CRACR2A: variants seen among roughly 807,000 people sequenced by gnomAD.
CRACR2A encodes the protein EF-hand calcium-binding domain-containing protein 4B.
In CRACR2A, 79 loss-of-function variants were observed where a neutral mutation model predicts 90.5. The ratio of observed to expected loss-of-function variants is 0.87; its 90% CI spans 0.73 to 1.05. CRACR2A has a LOEUF of 1.05. CRACR2A is among the 50% of genes least tolerant of loss of function. The probability of loss-of-function intolerance (pLI) is 0.00; values close to 1 mark genes in which losing one functional copy is unlikely to be tolerated. For synonymous variants in CRACR2A, 338 were observed against 356.7 expected (o/e 0.95, Z 0.59); for missense variants, 823 against 897.2 (o/e 0.92, Z 1.06).
intron 6 of CRACR2A, among the ~76,000 whole-genome samples, chr12:3,676,043 A>T (rs1945330129): frequency 6.6e-6 from 1 of 151,982 alleles, no homozygotes; most frequent in African/African-American, 2.4e-5. Context: ...TCCTTGCTCC[A>T]TCACTTCCAC....
intron 3 of CRACR2A, among the ~76,000 whole-genome samples, chr12:3,697,973 A>T (rs1945771954): frequency 6.6e-6 from 1 of 152,200 alleles, no homozygotes; most frequent in Non-Finnish European, 1.5e-5. Context: ...TGCTGCTTAT[A>T]TGACCTTGAA....
intron 3 of CRACR2A, among the ~76,000 whole-genome samples, chr12:3,710,693 T>TGAGGCAGGAGAATCGCTTGAACCCAG (rs1485221359): frequency 7.3e-5 from 11 of 151,500 alleles, no homozygotes; most frequent in Admixed American, 6.6e-5. Flanking sequence ...CTCGGGAGGC[T>TGAGGCAGGAGAATCGCTTGAACCCAG]GAGGCAGGAG....
intron 1 of CRACR2A, chr12:3,752,686 C>G (rs1450466575): frequency 6.5e-6 from 1 of 153,164 alleles, no homozygotes; most frequent in Non-Finnish European, 1.5e-5. Flanking sequence ...CTTTACCATT[C>G]TGAGCCTCAG....
At position 3,633,929 on chromosome 12, in the gene CRACR2A, T is replaced by C. The variant is rs937441508; in HGVS notation, c.1603-193A>G. Among the ~76,000 whole-genome samples the C allele has an allele frequency of 9.8e-5, 15 of 152,304 alleles. No individual in the cohort carries two copies. The highest frequency in any genetic ancestry group is 9.8e-4 in the Admixed American group (15 of 15,302). ...TCGGTCTTGGGGCATGGAGGCTTTT[T>C]CCAGCATCCGCAGGAGGAAGGAGAA... On this transcript the variant is annotated intron_variant, in intron 14 of 19. Transcript: ENST00000440314. The surrounding 1 kb of genome is among the most constrained non-coding windows in gnomAD (Gnocchi z 4.5).
At chr12:3,739,717 T>C (rs1447005494) in intron 1 of CRACR2A, among the ~76,000 whole-genome samples, 3 of 152,008 alleles carry the variant, frequency 2.0e-5, no homozygotes, top group African/African-American at 4.8e-5. Flanking sequence ...GGGTGGATCA[T>C]GAAGTCAGGA....
chr12:3,686,170 A>G lies in CRACR2A; in HGVS notation c.229-5821T>C, dbSNP rs73049147. ...GGATTAAAACCCAAGTTAATTTACTATAAAAATCTTTTAAAGTTTTCTAGT... is the reference window on the plus strand; with the variant it reads ...GGATTAAAACCCAAGTTAATTTACTGTAAAAATCTTTTAAAGTTTTCTAGT... On this transcript the variant is annotated intron_variant, in intron 4 of 19. Transcript: ENST00000440314. 2.5e-3 allele frequency among the ~76,000 whole-genome samples: 386 copies of G among 152,362 alleles called. 2 individuals carry two copies. The highest frequency in any genetic ancestry group is 4.6e-3 in the Non-Finnish European group (310 of 68,014).
intron 9 of CRACR2A, among the ~76,000 whole-genome samples, chr12:3,655,721 G>GCACCACC (rs1944892000): frequency 6.6e-6 from 1 of 152,200 alleles, no homozygotes. Context: ...CCTGCAGAGG[G>GCACCACC]CACCACCCAG....
At position 3,631,175 on chromosome 12, in the gene CRACR2A, T is replaced by C. The variant is rs538339311; in HGVS notation, c.1735+2429A>G. 1.3e-3 allele frequency among the ~76,000 whole-genome samples: 192 copies of C among 152,278 alleles called. 3 individuals are homozygous for C. Among genetic ancestry groups the C allele is most frequent in the Non-Finnish European group, 2.3e-3 (157 of 68,016 alleles). On this transcript the variant is annotated intron_variant, in intron 15 of 19. Coordinates refer to ENST00000440314, the MANE Select transcript of CRACR2A (RefSeq NM_001144958.2). Reference sequence around the variant, plus strand: ...ACTAATTTGAGCTGCTGCTCGAGCATGTGTGGAGTGGTGTGATGAAGGGCA... The same window carrying C: ...ACTAATTTGAGCTGCTGCTCGAGCACGTGTGGAGTGGTGTGATGAAGGGCA...
At chr12:3,698,654 T>C (rs1945783661) in intron 3 of CRACR2A, among the ~76,000 whole-genome samples, 2 of 152,238 alleles carry the variant, frequency 1.3e-5, no homozygotes, top group African/African-American at 2.4e-5. Flanking sequence ...TTTCTCGTCA[T>C]CTCTGTGTGT....
rs1426533295 is a variant in CRACR2A at position 3,647,975 on chromosome 12, T to G, written c.1118+567A>C. ...AACTTTGAGTTTATTGCTGGGGGTC[T>G]TTGAAGGCTGAGAAAGCTTTTTCTT... On this transcript the variant is annotated intron_variant, in intron 11 of 19. Transcript: ENST00000440314. 3 of 985,514 alleles carry G rather than the reference T, an allele frequency of 3.0e-6. No homozygotes were observed. The African/African-American group carries it at 5.2e-5, about 17-fold the overall frequency. 61.0% of individuals were successfully genotyped at this position (985,514 alleles called of 1,614,324 possible). A position where few individuals can be genotyped will look rare whatever the true frequency, so the allele number is the denominator to read the frequency against.
In CRACR2A at chr12:3,734,430, C is replaced by G. The variant is rs563737411; in HGVS notation, c.-386-1220G>C. ...CCCTGAAAATGGCATGGAAGTTCCT[C>G]AAAAAACTAAAAATAGAACTAGCAT... On this transcript the variant is annotated intron_variant, in intron 1 of 19. Coordinates refer to ENST00000440314, the MANE Select transcript of CRACR2A (RefSeq NM_001144958.2). Among the ~76,000 whole-genome samples, 4 of 152,176 alleles carry G rather than the reference C, an allele frequency of 2.6e-5. No homozygotes were observed. In the East Asian group the frequency reaches 7.7e-4, roughly 29 times the overall value.
At chr12:3,725,071 T>C (rs1033059591) in intron 2 of CRACR2A, among the ~76,000 whole-genome samples, 1 of 152,280 alleles carries the variant, frequency 6.6e-6, no homozygotes, top group African/African-American at 2.4e-5. Flanking sequence ...CCTATAATAG[T>C]GGTCCTGCCT....
chr12:3,647,533 C>CT (rs925515161), intron 11 of CRACR2A, among the ~76,000 whole-genome samples: 14 of 152,142 alleles, frequency 9.2e-5, no homozygotes, highest in African/African-American at 3.1e-4. Flanking sequence ...CTTCCTTTTA[C>CT]TAAAGTCTTC....
intron 2 of CRACR2A, chr12:3,730,383 A>G (rs920512644): frequency 6.6e-6 from 1 of 152,184 alleles, no homozygotes; most frequent in Non-Finnish European, 1.5e-5. Flanking sequence ...GACAGCTGCT[A>G]CCCAACCCAA....
intron 2 of CRACR2A, among the ~76,000 whole-genome samples, chr12:3,724,768 T>C (rs957553715): frequency 1.3e-5 from 2 of 151,756 alleles, no homozygotes; most frequent in Non-Finnish European, 2.9e-5. Flanking sequence ...AGGGGTGGAG[T>C]GCACCCTGGA....
chr12:3,664,432 C>G (rs763504153), intron 7 of CRACR2A, among the ~76,000 whole-genome samples: 2 of 151,370 alleles, frequency 1.3e-5, no homozygotes, highest in African/African-American at 2.4e-5. Flanking sequence ...AGTCTAAAGT[C>G]TTTTTTTTTA....
intron 8 of CRACR2A, 50 bp downstream of exon 8, chr12:3,659,514 C>T: frequency 6.5e-7 from 1 of 1,532,124 alleles, no homozygotes; most frequent in Non-Finnish European, 9.0e-7. Context: ...GGAGACAGAG[C>T]AGATATGTCA....
At chr12:3,637,427 T>C (rs1944473616) in intron 14 of CRACR2A, among the ~76,000 whole-genome samples, 1 of 152,186 alleles carries the variant, frequency 6.6e-6, no homozygotes. Flanking sequence ...CGGTGGGATG[T>C]GATGAGGTTT....
At chr12:3,627,860 C>T (rs1944295342) in intron 15 of CRACR2A, among the ~76,000 whole-genome samples, 154 bp from the exon 16 acceptor site, 2 of 152,198 alleles carry the variant, frequency 1.3e-5, no homozygotes, top group Non-Finnish European at 2.9e-5. Context: ...GAGAAAAGAA[C>T]AGAGCACTGG....
Sources: gnomAD v4.1 joint callset for allele counts (sites outside exome capture counted in the v4.1 genomes callset) on GRCh38, gnomAD v4.1.1 for gene constraint, Gnocchi (gnomAD v3.1) non-coding constraint, MANE v1.5 for transcripts, NCBI Gene and HGNC (gene_info 2026-07-23, HGNC 2026-07-21) for gene names.